The following KCNH1 variants were observed in gnomAD, a reference collection of about 807,000 sequenced individuals.
The protein encoded by KCNH1 is voltage-gated delayed rectifier potassium channel KCNH1.
KCNH1 carries 27 observed loss-of-function variants against 69.2 expected under a neutral mutation model. The ratio of observed to expected loss-of-function variants is 0.39; its 90% confidence interval spans 0.29 to 0.54. The LOEUF (loss-of-function observed/expected upper bound fraction) is 0.54. Among genes scored for constraint, KCNH1 ranks in the 20% least tolerant of loss-of-function variants. KCNH1 has a pLI of 0.68. For synonymous variants in KCNH1, 456 were observed against 487.7 expected, an observed-to-expected ratio of 0.93 and a Z score of 0.86; for missense variants, 798 against 1,261.6, an observed-to-expected ratio of 0.63 and a Z score of 5.57.
intron 7 of KCNH1, among the ~76,000 whole-genome samples, chr1:210,850,285 G>A (rs1178876708): frequency 1.3e-5 from 2 of 152,050 alleles, no homozygotes; most frequent in Admixed American, 6.5e-5. Context: ...GATCACTTGA[G>A]GTCAGGATTT....
At chr1:211,067,307 G>A (rs1449798150) in intron 5 of KCNH1, among the ~76,000 whole-genome samples, 1 of 152,228 alleles carries the variant, frequency 6.6e-6, no homozygotes, top group African/African-American at 2.4e-5. Flanking sequence ...TTCAGGGACT[G>A]CAATTAGCTG....
At chr1:210,978,101 C>T (rs1449245336) in intron 6 of KCNH1, among the ~76,000 whole-genome samples, 10 of 149,304 alleles carry the variant, frequency 6.7e-5, no homozygotes, top group South Asian at 2.1e-4. Flanking sequence ...TACAGTGGTG[C>T]GATCTCGGCT....
intron 10 of KCNH1, among the ~76,000 whole-genome samples, chr1:210,711,996 T>C (rs1272659188): frequency 1.3e-5 from 2 of 152,130 alleles, no homozygotes; most frequent in Non-Finnish European, 2.9e-5. Flanking sequence ...GGACAGCTGC[T>C]CAGGGCCACA....
intron 7 of KCNH1, among the ~76,000 whole-genome samples, chr1:210,880,760 G>A (rs1686476203): frequency 6.6e-6 from 1 of 152,006 alleles, no homozygotes; most frequent in Admixed American, 6.6e-5. Context: ...TTTCTCCTCT[G>A]TCAAAGACAC....
intron 7 of KCNH1, among the ~76,000 whole-genome samples, chr1:210,894,709 G>C (rs2102527279): frequency 6.6e-6 from 1 of 152,196 alleles, no homozygotes; most frequent in East Asian, 1.9e-4. Flanking sequence ...ATAAAAATGA[G>C]CTCTCTCTGG....
chr1:210,983,004 G>A (rs1312892594), intron 6 of KCNH1, among the ~76,000 whole-genome samples: 3 of 152,218 alleles, frequency 2.0e-5, no homozygotes, highest in African/African-American at 7.2e-5. Flanking sequence ...TTTGATTTGT[G>A]TTTCTCTGAT....
intron 6 of KCNH1, among the ~76,000 whole-genome samples, chr1:210,944,048 C>CT (rs1361933825): frequency 1.3e-5 from 2 of 152,170 alleles, no homozygotes; most frequent in African/African-American, 2.4e-5. Flanking sequence ...TCCCAAGACT[C>CT]TAAGTCCAGC....
intron 5 of KCNH1, among the ~76,000 whole-genome samples, chr1:211,055,228 C>A (rs1369517986): frequency 6.6e-6 from 1 of 152,174 alleles, no homozygotes; most frequent in African/African-American, 2.4e-5. Flanking sequence ...GGCCACTTGG[C>A]ATGGAGAGAG....
intron 5 of KCNH1, among the ~76,000 whole-genome samples, chr1:211,025,721 C>T (rs1372606189): frequency 6.6e-6 from 1 of 152,132 alleles, no homozygotes; most frequent in African/African-American, 2.4e-5. Flanking sequence ...AAAACCCCTC[C>T]TGGCTTCGAC....
chr1:210,978,074 C>T (rs1256087767), intron 6 of KCNH1, among the ~76,000 whole-genome samples: 1 of 148,354 alleles, frequency 6.7e-6, no homozygotes, highest in Non-Finnish European at 1.5e-5. Context: ...GAGTCTCGCT[C>T]TGTGCCTAGG....
intron 6 of KCNH1, among the ~76,000 whole-genome samples, chr1:211,000,769 A>G (rs996217334): frequency 6.6e-6 from 1 of 152,204 alleles, no homozygotes; most frequent in African/African-American, 2.4e-5. Flanking sequence ...ACTATACTAC[A>G]AGGCTACAGT....
chr1:210,981,689 G>A (rs112301611), intron 6 of KCNH1, among the ~76,000 whole-genome samples: 1,970 of 152,234 alleles, frequency 0.013, 20 homozygotes, highest in Non-Finnish European at 0.021. Context: ...AAATGAAACA[G>A]AAATGGGGCC....
intron 1 of KCNH1, among the ~76,000 whole-genome samples, chr1:211,121,417 C>T (rs1245950994): frequency 6.6e-6 from 1 of 152,022 alleles, no homozygotes; most frequent in African/African-American, 2.4e-5. Flanking sequence ...CTGAAAAAAA[C>T]AAGCAATGAG....
At chr1:210,692,802 T>G (rs1468375520) in intron 10 of KCNH1, among the ~76,000 whole-genome samples, 1 of 152,176 alleles carries the variant, frequency 6.6e-6, no homozygotes, top group Admixed American at 6.5e-5. Context: ...TGGATCCTCC[T>G]CCAAACCTCC....
At chr1:210,996,610 C>T (rs1375273561) in intron 6 of KCNH1, among the ~76,000 whole-genome samples, 1 of 152,176 alleles carries the variant, frequency 6.6e-6, no homozygotes, top group Non-Finnish European at 1.5e-5. Flanking sequence ...CTTAAATATC[C>T]CTGTCTGACA....
chr1:211,074,631 G>T (rs1046141592), intron 5 of KCNH1, among the ~76,000 whole-genome samples: 2 of 152,172 alleles, frequency 1.3e-5, no homozygotes, highest in Non-Finnish European at 2.9e-5. Context: ...CTATGCTGTG[G>T]CACTCAGGTA....
intron 6 of KCNH1, among the ~76,000 whole-genome samples, chr1:210,981,372 C>CAAAAAAAAAAAAAAAAAAAA (rs10684074): frequency 1.2e-5 from 1 of 85,494 alleles, no homozygotes; most frequent in Non-Finnish European, 2.1e-5. Context: ...GTAACAACGA[C>CAAAAAAAAAAAAAAAAAAAA]AAAAAAAAAA....
intron 7 of KCNH1, among the ~76,000 whole-genome samples, chr1:210,847,574 C>T (rs1447455047): frequency 9.1e-6 from 1 of 110,030 alleles, no homozygotes; most frequent in Non-Finnish European, 1.9e-5. Flanking sequence ...ACAACGGGGC[C>T]TGTTGTGGGG....
intron 1 of KCNH1, among the ~76,000 whole-genome samples, chr1:211,125,680 T>C (rs1691764635): frequency 6.6e-6 from 1 of 152,244 alleles, no homozygotes; most frequent in African/African-American, 2.4e-5. Flanking sequence ...TCTACATCGT[T>C]GCTTTAAGGG....
Sources: allele counts gnomAD v4.1 joint callset (sites outside exome capture counted in the v4.1 genomes callset), GRCh38; gene constraint gnomAD v4.1.1; transcripts MANE v1.5; gene names NCBI Gene and HGNC (gene_info 2026-07-23, HGNC 2026-07-21).